Variants in HSPA12A observed in about 807,000 individuals in gnomAD.
The protein encoded by HSPA12A is heat shock 70 kDa protein 12A.
Under a neutral mutation model 69.2 loss-of-function variants are expected in HSPA12A, and 28 were observed. The observed-to-expected ratio is 0.40, with a 90% CI of 0.30 to 0.55. The LOEUF is 0.55. HSPA12A is among the 20% of genes least tolerant of loss of function. The pLI is 0.38. For missense variants in HSPA12A, 686 were observed against 900.7 expected, an observed-to-expected ratio of 0.76 and a Z score of 3.05; for synonymous variants, 345 against 370.5, an observed-to-expected ratio of 0.93 and a Z score of 0.79.
At chr10:116,849,128 G>A (rs1845969872) in intron 1 of HSPA12A, among the ~76,000 whole-genome samples, 1 of 152,138 alleles carries the variant, frequency 6.6e-6, no homozygotes, top group South Asian at 2.1e-4. Context: ...ACTAACAGCA[G>A]AGAGCAAGGG....
intron 2 of HSPA12A, among the ~76,000 whole-genome samples, chr10:116,811,969 G>T (rs1845198066): frequency 6.6e-6 from 1 of 152,176 alleles, no homozygotes; most frequent in Non-Finnish European, 1.5e-5. Flanking sequence ...ATGTGGCCAG[G>T]CCAGGCCAGA....
intron 2 of HSPA12A, among the ~76,000 whole-genome samples, chr10:116,755,449 TA>T (rs1843814518): frequency 6.6e-6 from 1 of 151,304 alleles, no homozygotes; most frequent in Non-Finnish European, 1.5e-5. Context: ...CCGTCTCTAC[TA>T]AAAATACAAA....
At chr10:116,807,240 A>C (rs773342343) in intron 2 of HSPA12A, among the ~76,000 whole-genome samples, 1 of 151,924 alleles carries the variant, frequency 6.6e-6, no homozygotes, top group Non-Finnish European at 1.5e-5. Flanking sequence ...GAGGCCAGAC[A>C]TGAAATCTCT....
At chr10:116,688,010 C>T (rs1849626464) in intron 6 of HSPA12A, among the ~76,000 whole-genome samples, 1 of 151,934 alleles carries the variant, frequency 6.6e-6, no homozygotes, top group Non-Finnish European at 1.5e-5. Context: ...TTTTTTAGCT[C>T]ATCAGCTATC....
chr10:116,738,954 C>A (rs1851396094), intron 1 of HSPA12A, among the ~76,000 whole-genome samples: 1 of 152,192 alleles, frequency 6.6e-6, no homozygotes, highest in African/African-American at 2.4e-5. Flanking sequence ...GAAGTGGATC[C>A]CATAGCCAGA....
At chr10:116,749,609 G>A (rs547211737) in intron 2 of HSPA12A, among the ~76,000 whole-genome samples, 13 of 152,322 alleles carry the variant, frequency 8.5e-5, no homozygotes, top group South Asian at 2.1e-4. Context: ...CTCAAGAAAC[G>A]TGTTGAATGA....
chr10:116,691,591 G>A (rs1849740481), intron 6 of HSPA12A, among the ~76,000 whole-genome samples: 1 of 152,256 alleles, frequency 6.6e-6, no homozygotes, highest in African/African-American at 2.4e-5. Flanking sequence ...GTGTTCATAC[G>A]CCCAGGGGCT....
intron 3 of HSPA12A, among the ~76,000 whole-genome samples, 159 bp downstream of exon 3, chr10:116,704,992 C>G (rs1384334930): frequency 1.3e-5 from 2 of 152,192 alleles, no homozygotes; most frequent in East Asian, 3.9e-4. Flanking sequence ...GCCCAGAGAT[C>G]AGAAATGGCT....
chr10:116,732,341 A>G (rs556566422), intron 1 of HSPA12A, among the ~76,000 whole-genome samples: 1 of 148,874 alleles, frequency 6.7e-6, no homozygotes, highest in East Asian at 2.0e-4. Context: ...AGAAAGAAAG[A>G]AAGAAAGAAA....
chr10:116,797,298 G>T lies in HSPA12A; in HGVS notation c.91+37637C>A, dbSNP rs188565277. Among the ~76,000 whole-genome samples, 237 of 152,202 alleles carry T rather than the reference G, an allele frequency of 1.6e-3. 3 individuals carry two copies. The highest frequency in any genetic ancestry group is 0.015 in the Admixed American group (236 of 15,290). On this transcript the variant is annotated intron_variant, in intron 2 of 12. Coordinates refer to the HSPA12A transcript ENST00000635765. Reference sequence around the variant, plus strand: ...GCCACTGAAGGCTGCTTCCTCATTTGAGACTCTTAGGTTGTGGGTCATCGT... The same window carrying T: ...GCCACTGAAGGCTGCTTCCTCATTTTAGACTCTTAGGTTGTGGGTCATCGT...
intron 2 of HSPA12A, among the ~76,000 whole-genome samples, chr10:116,781,284 C>T (rs947854108): frequency 6.6e-6 from 1 of 151,694 alleles, no homozygotes; most frequent in Non-Finnish European, 1.5e-5. Flanking sequence ...TGAGACCCTG[C>T]CTCTTAAAAG....
At chr10:116,771,082 T>G (rs1398487289) in intron 2 of HSPA12A, among the ~76,000 whole-genome samples, 2 of 151,832 alleles carry the variant, frequency 1.3e-5, no homozygotes, top group Non-Finnish European at 2.9e-5. Flanking sequence ...GGGCCTCAGT[T>G]TGCAAACCCT....
chr10:116,808,893 C>A (rs1329156854), intron 2 of HSPA12A, among the ~76,000 whole-genome samples: 2 of 152,164 alleles, frequency 1.3e-5, no homozygotes, highest in Non-Finnish European at 2.9e-5. Flanking sequence ...CGTAGGGTCA[C>A]GACATGGCGG....
chr10:116,804,870 T>G (rs1845035277), intron 2 of HSPA12A, among the ~76,000 whole-genome samples: 1 of 152,196 alleles, frequency 6.6e-6, no homozygotes, highest in Admixed American at 6.5e-5. Flanking sequence ...AGAAGTAATG[T>G]TTCAATGACA....
rs1345162796 is a variant in HSPA12A at position 116,747,905 on chromosome 10, A to G, written c.92-40620T>C. 3.3e-5 allele frequency among the ~76,000 whole-genome samples: 5 copies of G among 152,204 alleles called. No homozygotes were observed. The East Asian group carries it at 7.7e-4, about 23-fold the overall frequency. ...TCTCAGCTACTTGGGAGGCTGAGGC[A>G]GGAGAATTGCTTGAACCTGGGAAGT... On this transcript the variant is annotated intron_variant, in intron 2 of 12. Transcript: ENST00000635765.
In HSPA12A at chr10:116,679,553, G is replaced by A. The variant is rs1849342614; in HGVS notation, c.1236C>T (p.Tyr412=). The change falls in exon 10 of 12, where the codon TAC becomes TAT. Residue 412 remains tyrosine, a synonymous_variant. Transcript: ENST00000369209. Reference sequence around the variant, plus strand: ...CACTGTGCCCGCGGAACTTCTTGTAGTAGTCAATGAAGGAGAAGGGCAGGG... The same window carrying A: ...CACTGTGCCCGCGGAACTTCTTGTAATAGTCAATGAAGGAGAAGGGCAGGG... ...NITLPFSFID[Y]YKKFRGHSVE... 6.2e-7 allele frequency: 1 copy of A among 1,614,228 alleles called. No homozygotes were observed. Among genetic ancestry groups the A allele is most frequent in the East Asian group, 2.2e-5 (1 of 44,884 alleles).
chr10:116,695,401 C>T lies in HSPA12A; in HGVS notation c.547-2934G>A, dbSNP rs1162054398. On this transcript the variant is annotated intron_variant, in intron 5 of 11. Coordinates refer to ENST00000369209, the MANE Select transcript of HSPA12A (RefSeq NM_025015.3). Reference sequence around the variant, plus strand: ...TTTTTGCTGCCATAAAAAGGGCTTGCGGCCAGGTGTGGTGGCTCACACCTG... The same window carrying T: ...TTTTTGCTGCCATAAAAAGGGCTTGTGGCCAGGTGTGGTGGCTCACACCTG... Among the ~76,000 whole-genome samples the T allele has an allele frequency of 4.6e-5, 7 of 152,256 alleles. No individual in the cohort carries two copies. In the East Asian group the frequency reaches 1.2e-3, roughly 25 times the overall value.
chr10:116,707,417 GC>G (rs539737853), intron 1 of HSPA12A, 132 bp from the exon 2 acceptor site: 100 of 692,276 alleles, frequency 1.4e-4, no homozygotes, highest in Non-Finnish European at 1.8e-4. Flanking sequence ...AATGGGCAAG[GC>G]CCAGCCCCAG....
At position 116,681,865 on chromosome 10, in the gene HSPA12A, A is replaced by G; in HGVS notation, c.848T>C (p.Ile283Thr). 3 of 1,614,174 alleles carry G rather than the reference A, an allele frequency of 1.9e-6. No homozygotes were observed. Among genetic ancestry groups the G allele is most frequent in the South Asian group, 1.1e-5 (1 of 91,082 alleles). The change falls in exon 8 of 12, where the codon ATA becomes ACA. Residue 283 changes from isoleucine (I) to threonine (T), a missense_variant. By Grantham distance (89) the Ile-to-Thr change is moderately conservative (BLOSUM62 -1). Transcript: ENST00000369209. ...GGTCCGACTCTGCCGATTACGCCGT[A>G]TGTGTTCCTTAGCTAGTGGCCGACA... ...GAGFTQAKEH[I>T]RRNRQSRTFL...
Sources: allele counts gnomAD v4.1 joint callset (sites outside exome capture counted in the v4.1 genomes callset), GRCh38; gene constraint gnomAD v4.1.1; transcripts MANE v1.5; gene names NCBI Gene and HGNC (gene_info 2026-07-23, HGNC 2026-07-21).